Variants in DISC1 observed in about 807,000 individuals in gnomAD.
DISC1 encodes the protein disrupted in schizophrenia 1 protein.
A neutral mutation model predicts 84.5 loss-of-function variants in DISC1; 57 were observed. That is an observed-to-expected ratio of 0.67 (90% confidence interval 0.55 to 0.84). The LOEUF (loss-of-function observed/expected upper bound fraction) is 0.84, where lower values mean the gene tolerates loss of function less well. Among genes scored for constraint, DISC1 ranks in the 40% least tolerant of loss-of-function variants. The pLI is 0.00. For synonymous variants in DISC1, 411 were observed against 415.2 expected (o/e 0.99, Z 0.12); for missense variants, 1,000 against 1,057.8 (o/e 0.95, Z 0.76).
Position 231,626,951 on chromosome 1 carries a change from A to G in DISC1, c.67+17A>G. On this transcript the variant is annotated intron_variant, in intron 1 of 12. Transcript: ENST00000439617. ...ACCGCGCAGGTAGGGGAGCTGCCACAGAGTCCTAGCACGTCCTGGGGGGGT... is the reference window on the plus strand; with the variant it reads ...ACCGCGCAGGTAGGGGAGCTGCCACGGAGTCCTAGCACGTCCTGGGGGGGT... 3.3e-6 allele frequency: 5 copies of G among 1,501,028 alleles called. No homozygotes were observed. The highest frequency in any genetic ancestry group is 4.4e-6 in the Non-Finnish European group (5 of 1,131,234). The allele number at this position is 1,501,028 out of a possible 1,614,324, so 93.0% of individuals were successfully genotyped here.
intron 6 of DISC1, among the ~76,000 whole-genome samples, chr1:231,792,881 G>A (rs1457407525): frequency 1.3e-5 from 2 of 152,156 alleles, no homozygotes; most frequent in African/African-American, 2.4e-5. Context: ...CTGAGTACAC[G>A]AATTTTTGTC....
chr1:231,832,358 G>T (rs1465359927), intron 9 of DISC1, among the ~76,000 whole-genome samples: 166 of 150,198 alleles, frequency 1.1e-3, no homozygotes, highest in African/African-American at 3.9e-3. Context: ...AGGCTACAGG[G>T]TGCGGTCCTG....
In DISC1 at chr1:232,009,018, C is replaced by G; in HGVS notation, c.2276C>G (p.Ser759Cys). The G allele has an allele frequency of 6.2e-7, 1 of 1,613,926 alleles. No homozygotes were observed. The highest frequency in any genetic ancestry group is 8.5e-7 in the Non-Finnish European group (1 of 1,179,834). ...LEEWKTHLIP[S>C]LHCAGGEQKE... ...GAATGGAAGACTCACCTCATCCCCT[C>G]TCTGCACTGTGCTGGAGGTGAACAG... is the stretch of plus-strand genomic sequence containing the variant. The change falls in exon 11 of 13, where the codon TCT becomes TGT. Residue 759 changes from serine (S) to cysteine (C), a missense_variant. By Grantham distance (112) the Ser-to-Cys change is moderately radical. Transcript: ENST00000439617. This position sits in a 1 kb window ranked among gnomAD's most constrained non-coding sequence, Gnocchi z 4.6.
At chr1:231,733,713 AGTG>A (rs971992114) in intron 3 of DISC1, among the ~76,000 whole-genome samples, 8 of 94,046 alleles carry the variant, frequency 8.5e-5, no homozygotes, top group African/African-American at 2.4e-4. Context: ...TAGGAATGGT[AGTG>A]GTGGTGGTGG....
At chr1:232,026,762 CTTTTT>C (rs545455868) in intron 12 of DISC1, among the ~76,000 whole-genome samples, 22,546 of 110,854 alleles carry the variant, frequency 0.2, 1,419 homozygotes, top group South Asian at 0.26. Flanking sequence ...TTTCTTTTTT[CTTTTT>C]TTTTTTTTTT....
rs763608473 is a variant in DISC1 at position 231,698,735 on chromosome 1, A to C, written c.1048-3220A>C. ...GTTCTAATAAATGTTTAATGATACC[A>C]TCATTTGGGTGTGGCGATGGTAATG... On this transcript the variant is annotated intron_variant, in intron 2 of 12. Transcript: ENST00000439617. This position sits in a 1 kb window ranked among gnomAD's most constrained non-coding sequence, Gnocchi z 4.9. Among the ~76,000 whole-genome samples, 1 of 152,182 alleles carries C rather than the reference A, an allele frequency of 6.6e-6. No individual in the cohort carries two copies.
intron 11 of DISC1, among the ~76,000 whole-genome samples, chr1:232,012,141 C>T (rs2149736): frequency 0.076 from 10,972 of 145,180 alleles, 574 homozygotes; most frequent in East Asian, 0.23. Flanking sequence ...ATGCTTTTTG[C>T]ATGCATAATG....
intron 11 of DISC1, among the ~76,000 whole-genome samples, chr1:232,026,003 C>T (rs1669435482): frequency 6.6e-6 from 1 of 152,282 alleles, no homozygotes; most frequent in Non-Finnish European, 1.5e-5. Context: ...GTTCAGTGCC[C>T]TAGTCAATTC....
At chr1:231,794,247 CT>C (rs537889150) in intron 6 of DISC1, among the ~76,000 whole-genome samples, 442 of 29,988 alleles carry the variant, frequency 0.015, 2 homozygotes, top group African/African-American at 0.052. Context: ...GAATTTCATT[CT>C]CTTTTTTTTT....
intron 10 of DISC1, among the ~76,000 whole-genome samples, chr1:231,970,412 C>T (rs1661785768): frequency 6.6e-6 from 1 of 152,030 alleles, no homozygotes; most frequent in South Asian, 2.1e-4. Context: ...AAAATATTGC[C>T]CTAGAGAATG....
chr1:231,861,292 AT>A (rs1024083723), intron 9 of DISC1, among the ~76,000 whole-genome samples: 1 of 151,410 alleles, frequency 6.6e-6, no homozygotes, highest in Non-Finnish European at 1.5e-5. Flanking sequence ...TGTTTTTATT[AT>A]TTATTTATTT....
At chr1:232,013,986 A>G (rs549567864) in intron 11 of DISC1, among the ~76,000 whole-genome samples, 2 of 141,730 alleles carry the variant, frequency 1.4e-5, no homozygotes, top group African/African-American at 5.4e-5. Flanking sequence ...AGGCCTTCCA[A>G]TCTCCTTTGG....
At chr1:232,028,169 G>C (rs1313941336) in intron 12 of DISC1, among the ~76,000 whole-genome samples, 1 of 152,058 alleles carries the variant, frequency 6.6e-6, no homozygotes, top group African/African-American at 2.4e-5. Flanking sequence ...ACAAATCTTT[G>C]AGCACGTGTA....
At chr1:231,799,571 T>C (rs1171564817) in intron 7 of DISC1, among the ~76,000 whole-genome samples, 10 of 151,796 alleles carry the variant, frequency 6.6e-5, no homozygotes, top group Non-Finnish European at 8.8e-5. Flanking sequence ...GTAAGGCCTT[T>C]CCTCCCAGGC....
At chr1:231,904,082 C>T (rs1176646098) in intron 9 of DISC1, among the ~76,000 whole-genome samples, 1 of 152,210 alleles carries the variant, frequency 6.6e-6, no homozygotes, top group Non-Finnish European at 1.5e-5. Flanking sequence ...GCTCAGTCCT[C>T]TCTCTTCAAT....
At chr1:231,807,658 G>T (rs1387714615) in intron 8 of DISC1, among the ~76,000 whole-genome samples, 1 of 152,148 alleles carries the variant, frequency 6.6e-6, no homozygotes, top group Non-Finnish European at 1.5e-5. Context: ...CCTCTGTCAG[G>T]TGATTGGAGC....
intron 9 of DISC1, among the ~76,000 whole-genome samples, chr1:231,926,399 A>G (rs1420033390): frequency 1.3e-5 from 2 of 152,220 alleles, no homozygotes; most frequent in African/African-American, 4.8e-5. Flanking sequence ...AAGACTCACA[A>G]TGCCAGATCA....
intron 10 of DISC1, among the ~76,000 whole-genome samples, chr1:231,981,270 T>G (rs1663564524): frequency 6.6e-6 from 1 of 152,208 alleles, no homozygotes; most frequent in African/African-American, 2.4e-5. Flanking sequence ...AACAAAAATC[T>G]TTATAAAAAG....
rs778612878 is a variant in DISC1, at chr1:231,818,315, A to G, written c.1793-14A>G. ...AGCTTGTTTTCCCTTCTTCTCTCCC[A>G]CAACGTGCTGTAGGAAACCATTTCT... On this transcript the variant is annotated splice_polypyrimidine_tract_variant and intron_variant, in intron 8 of 12. Transcript: ENST00000439617. 4.3e-6 allele frequency: 7 copies of G among 1,613,476 alleles called. No homozygotes were observed. Among genetic ancestry groups the G allele is most frequent in the Non-Finnish European group, 5.9e-6 (7 of 1,179,678 alleles).
Sources: allele counts gnomAD v4.1 joint callset (sites outside exome capture counted in the v4.1 genomes callset), GRCh38; gene constraint gnomAD v4.1.1; non-coding constraint Gnocchi (gnomAD v3.1); transcripts MANE v1.5; gene names NCBI Gene and HGNC (gene_info 2026-07-23, HGNC 2026-07-21).